MAPK4: variants seen among roughly 807,000 people sequenced by gnomAD.
The protein encoded by MAPK4 is mitogen-activated protein kinase 4.
Under a neutral mutation model 47.7 loss-of-function variants are expected in MAPK4, and 22 were observed. The ratio of observed to expected loss-of-function variants is 0.46; its 90% CI spans 0.33 to 0.66. MAPK4 has a LOEUF of 0.66. Among genes scored for constraint, MAPK4 ranks in the 30% least tolerant of loss-of-function variants. MAPK4 has a pLI of 0.02. For synonymous variants in MAPK4, 390 were observed against 365.7 expected, an observed-to-expected ratio of 1.07 and a Z score of -0.76; for missense variants, 736 against 831.7, an observed-to-expected ratio of 0.88 and a Z score of 1.42.
At chr18:50,665,769 T>A (rs974878380) in intron 2 of MAPK4, among the ~76,000 whole-genome samples, 3 of 152,090 alleles carry the variant, frequency 2.0e-5, no homozygotes, top group Non-Finnish European at 4.4e-5. Context: ...ACAAATTACT[T>A]AGTGACCTTA....
intron 1 of MAPK4, among the ~76,000 whole-genome samples, chr18:50,606,736 G>C (rs1486565337): frequency 6.6e-6 from 1 of 152,186 alleles, no homozygotes; most frequent in East Asian, 1.9e-4. Flanking sequence ...TTGAAGTACG[G>C]AAGCAGTCAC....
chr18:50,577,238 T>G (rs375055763), intron 1 of MAPK4, among the ~76,000 whole-genome samples: 6 of 152,152 alleles, frequency 3.9e-5, no homozygotes, highest in Middle Eastern at 3.2e-3. Flanking sequence ...TAGAATCACC[T>G]GGAGAGTGTG....
intron 2 of MAPK4, among the ~76,000 whole-genome samples, chr18:50,686,089 GA>G (rs1316146141): frequency 6.6e-6 from 1 of 152,052 alleles, no homozygotes; most frequent in South Asian, 2.1e-4. Context: ...GTAAACCAAG[GA>G]ACAGCAAAAC....
At chr18:50,642,643 G>A (rs1598857765) in intron 1 of MAPK4, among the ~76,000 whole-genome samples, 1 of 152,200 alleles carries the variant, frequency 6.6e-6, no homozygotes, top group East Asian at 1.9e-4. Context: ...GGACCATCTG[G>A]CCTTTGAACA....
chr18:50,596,467 T>C (rs560642701), intron 1 of MAPK4, among the ~76,000 whole-genome samples: 10 of 152,296 alleles, frequency 6.6e-5, no homozygotes, highest in Admixed American at 2.6e-4. Flanking sequence ...GAATCCTTCA[T>C]GAGAATTCTC....
chr18:50,664,529 A>G lies in MAPK4; in HGVS notation c.546+25A>G. ...GGTATGTCTGGCTGGAATGGCGGAT[A>G]CTGGTGGTCCACAGAATCCCCAAGA... is the stretch of plus-strand genomic sequence containing the variant. On this transcript the variant is annotated intron_variant, in intron 2 of 5. Transcript: ENST00000400384. The surrounding 1 kb of genome is among the most constrained non-coding windows in gnomAD (Gnocchi z 6.0). 1 of 1,554,934 alleles carries G rather than the reference A, an allele frequency of 6.4e-7. No homozygotes were observed. The highest frequency in any genetic ancestry group is 1.2e-5 in the South Asian group (1 of 81,324).
intron 1 of MAPK4, among the ~76,000 whole-genome samples, chr18:50,610,636 A>G (rs575442428): frequency 5.1e-4 from 78 of 152,302 alleles, no homozygotes; most frequent in Non-Finnish European, 9.4e-4. Flanking sequence ...TTGAACAGAG[A>G]CTAGAAGGGA....
intron 1 of MAPK4, among the ~76,000 whole-genome samples, chr18:50,648,483 T>C (rs887984281): frequency 6.6e-6 from 1 of 152,066 alleles, no homozygotes; most frequent in African/African-American, 2.4e-5. Context: ...ATAGATATGT[T>C]TTAGGAATAA....
At position 50,678,467 on chromosome 18, in the gene MAPK4, G is replaced by A. The variant is rs1486434453; in HGVS notation, c.546+13963G>A. On this transcript the variant is annotated intron_variant, in intron 2 of 5. Coordinates refer to ENST00000400384, the MANE Select transcript of MAPK4 (RefSeq NM_002747.4). This position sits in a 1 kb window ranked among gnomAD's most constrained non-coding sequence, Gnocchi z 4.2. ...GCAGTGACCAATCAGAGTAGATACT[G>A]TCTGGGAGCCGCCATCACCCCTCCA... is the stretch of plus-strand genomic sequence containing the variant. Among the ~76,000 whole-genome samples the A allele has an allele frequency of 1.3e-5, 2 of 152,158 alleles. No individual in the cohort carries two copies. Among genetic ancestry groups the A allele is most frequent in the Non-Finnish European group, 2.9e-5 (2 of 68,028 alleles).
At chr18:50,666,335 C>G (rs948347834) in intron 2 of MAPK4, among the ~76,000 whole-genome samples, 3 of 152,202 alleles carry the variant, frequency 2.0e-5, no homozygotes, top group African/African-American at 7.2e-5. Context: ...CCCCTGGGAG[C>G]CTCAGTTTCC....
At chr18:50,628,791 A>T (rs951679384) in intron 1 of MAPK4, among the ~76,000 whole-genome samples, 1 of 152,204 alleles carries the variant, frequency 6.6e-6, no homozygotes, top group Non-Finnish European at 1.5e-5. Flanking sequence ...TTTGTCTATC[A>T]CAATTGTCTC....
chr18:50,603,438 G>A (rs1401231144), intron 1 of MAPK4, among the ~76,000 whole-genome samples: 1 of 152,136 alleles, frequency 6.6e-6, no homozygotes, highest in Non-Finnish European at 1.5e-5. Context: ...CGTGTGCCCT[G>A]CCCTCCTCAT....
rs1307036622 is a variant in MAPK4 at position 50,664,072 on chromosome 18, G to A, written c.114G>A (p.Val38=). 6.2e-7 allele frequency: 1 copy of A among 1,613,908 alleles called. No homozygotes were observed. The highest frequency in any genetic ancestry group is 1.6e-4 in the Middle Eastern group (1 of 6,062). The part of the protein sequence containing the change: ...FGVNGLVLSA[V]DSRACRKVAV... ...TCAATGGTTTGGTGCTGTCGGCCGT[G>A]GACAGCCGGGCCTGCCGGAAGGTCG... The change falls in exon 2 of 6, where the codon GTG becomes GTA. Residue 38 remains valine (V), a synonymous_variant. Transcript: ENST00000400384. The surrounding 1 kb of genome is among the most constrained non-coding windows in gnomAD (Gnocchi z 6.0).
At chr18:50,651,792 G>T (rs879510026) in intron 1 of MAPK4, among the ~76,000 whole-genome samples, 7 of 152,174 alleles carry the variant, frequency 4.6e-5, no homozygotes, top group Non-Finnish European at 1.0e-4. Context: ...AGAGGAGATA[G>T]AAATAATTTA....
intron 1 of MAPK4, among the ~76,000 whole-genome samples, chr18:50,642,869 C>T (rs889257859): frequency 2.0e-5 from 3 of 152,174 alleles, no homozygotes; most frequent in Non-Finnish European, 4.4e-5. Flanking sequence ...CCTCCCAAAA[C>T]GCTGGGATTA....
chr18:50,718,787 A>G (rs1568096250), intron 3 of MAPK4, among the ~76,000 whole-genome samples: 1 of 152,106 alleles, frequency 6.6e-6, no homozygotes, highest in Non-Finnish European at 1.5e-5. Flanking sequence ...AAGTAACAAG[A>G]AAAGGTAAAA....
intron 2 of MAPK4, chr18:50,669,115 C>T (rs1907778734): frequency 2.0e-5 from 3 of 152,368 alleles, no homozygotes; most frequent in Admixed American, 2.0e-4. Context: ...ACCCAGTGGC[C>T]TTGGGGCGAG....
chr18:50,661,112 A>T (rs373605725), intron 1 of MAPK4, among the ~76,000 whole-genome samples: 1 of 152,204 alleles, frequency 6.6e-6, no homozygotes, highest in Non-Finnish European at 1.5e-5. Flanking sequence ...AACCCAGCAG[A>T]AGCTGGAAAG....
chr18:50,560,531 C>T lies in MAPK4; in HGVS notation c.-871+288C>T, dbSNP rs962062155. 91 of 152,586 alleles carry T rather than the reference C, an allele frequency of 6.0e-4. 1 individual carries two copies. Among genetic ancestry groups the T allele is most frequent in the Non-Finnish European group, 2.2e-4 (15 of 68,320 alleles). 9.5% of individuals were successfully genotyped at this position (152,586 alleles called of 1,614,324 possible). On this transcript the variant is annotated intron_variant, in intron 1 of 5. Transcript: ENST00000400384. ...TGGGATGGGAGGTTGCCGCTGGGCT[C>T]CTCGCGTTGTGTTTAGGGGAGGAGG... is the stretch of plus-strand genomic sequence containing the variant.
Sources: gnomAD v4.1 joint callset for allele counts (sites outside exome capture counted in the v4.1 genomes callset) on GRCh38, gnomAD v4.1.1 for gene constraint, Gnocchi (gnomAD v3.1) non-coding constraint, MANE v1.5 for transcripts, NCBI Gene and HGNC (gene_info 2026-07-23, HGNC 2026-07-21) for gene names.